RSPH6A: variants seen among roughly 807,000 people sequenced by gnomAD.
RSPH6A encodes radial spoke head protein 6 homolog A.
RSPH6A carries 49 observed loss-of-function variants against 66.1 expected under a neutral mutation model. The observed-to-expected ratio is 0.74, with a 90% CI of 0.59 to 0.94. The LOEUF is 0.94. Ranked by LOEUF, RSPH6A falls within the 40% of genes least tolerant of loss-of-function variation. The probability of loss-of-function intolerance (pLI) is 0.00; values close to 1 mark genes in which losing one functional copy is unlikely to be tolerated. For missense variants in RSPH6A, 977 were observed against 948.3 expected (o/e 1.03, Z -0.40); for synonymous variants, 419 against 402.4 (o/e 1.04, Z -0.49).
intron 1 of RSPH6A, among the ~76,000 whole-genome samples, chr19:45,811,655 C>T (rs1970629240): frequency 6.6e-6 from 1 of 151,682 alleles, no homozygotes; most frequent in Non-Finnish European, 1.5e-5. Flanking sequence ...AGGCTGGTCT[C>T]AAACTCCTGA....
At chr19:45,805,691 C>CA (rs777190769) in intron 2 of RSPH6A, among the ~76,000 whole-genome samples, 3 of 89,702 alleles carry the variant, frequency 3.3e-5, no homozygotes, top group Non-Finnish European at 6.5e-5. Context: ...GACTCCCACT[C>CA]AAAAAAAAAG....
At chr19:45,805,866 C>T (rs928492110) in intron 2 of RSPH6A, among the ~76,000 whole-genome samples, 2 of 152,088 alleles carry the variant, frequency 1.3e-5, no homozygotes, top group Non-Finnish European at 1.5e-5. Flanking sequence ...TTTGTCATTC[C>T]CTATTCTTCC....
chr19:45,806,775 C>G (rs1322191276), intron 2 of RSPH6A, among the ~76,000 whole-genome samples: 1 of 151,072 alleles, frequency 6.6e-6, no homozygotes, highest in African/African-American at 2.4e-5. Context: ...CTGCACGGGC[C>G]ACACACCAAT....
In RSPH6A at chr19:45,795,958, G is replaced by A; in HGVS notation, c.2065C>T (p.Leu689=). 1 of 1,613,766 alleles carries A rather than the reference G, an allele frequency of 6.2e-7. No homozygotes were observed. The highest frequency in any genetic ancestry group is 2.2e-5 in the East Asian group (1 of 44,838). The change falls in exon 6 of 6, where the codon CTG becomes TTG. Residue 689 remains leucine (L), a synonymous_variant. Transcript: ENST00000221538. ...SDPTVEEEQA[L]KAAQEQALGA... is the part of the protein sequence containing the mutation. ...AGGGCTTGTTCCTGGGCTGCTTTCA[G>A]AGCCTGCTCCTCTTCCACTGTGGGG...
chr19:45,810,514 C>T (rs1970609874), intron 2 of RSPH6A, 89 bp downstream of exon 2: 10 of 1,230,204 alleles, frequency 8.1e-6, no homozygotes, highest in South Asian at 6.5e-5. Context: ...TGCTGTCTTT[C>T]GCCTCCAGGC....
intron 1 of RSPH6A, among the ~76,000 whole-genome samples, chr19:45,812,787 C>G (rs1041207628): frequency 6.6e-6 from 1 of 151,842 alleles, no homozygotes; most frequent in Admixed American, 6.6e-5. Flanking sequence ...CCTCTGCCTC[C>G]CGGTTCAAGT....
rs147742600 is a variant in RSPH6A at position 45,810,650 on chromosome 19, G to A, written c.841C>T (p.Arg281Trp). Residue 281 changes from arginine (R) to tryptophan (W), a missense_variant, in exon 2 of 6, where the codon CGG becomes TGG. By Grantham distance (101) the Arg-to-Trp change is moderately radical. Coordinates refer to ENST00000221538, the MANE Select transcript of RSPH6A (RefSeq NM_030785.4). ...TCGCCTTCAGTGCCGCCTCCACTCC[G>A]GGTGAACAGCGCCTTCTGTTTCTCC... Reference protein sequence around the residue: ...MAEKQKALFTRSGGGTEGEQE... With the variant: ...MAEKQKALFTWSGGGTEGEQE... 56 of 1,613,852 alleles carry A rather than the reference G, an allele frequency of 3.5e-5. No homozygotes were observed. The Admixed American group carries it at 6.0e-4, about 17-fold the overall frequency.
intron 1 of RSPH6A, 56 bp downstream of exon 1, chr19:45,814,471 G>C: frequency 1.4e-6 from 2 of 1,440,916 alleles, no homozygotes; most frequent in Non-Finnish European, 1.8e-6. Flanking sequence ...GGCACTTCGG[G>C]TGGGGCCCCT....
intron 1 of RSPH6A, 36 bp downstream of exon 1, chr19:45,814,491 G>A: frequency 3.5e-6 from 5 of 1,444,090 alleles, no homozygotes; most frequent in East Asian, 2.5e-5. Context: ...TCCCTGCCTG[G>A]GTCCCCCACC....
At position 45,796,125 on chromosome 19, in the gene RSPH6A, A is replaced by G. The variant is rs1429091448; in HGVS notation, c.1917-19T>C. The G allele has an allele frequency of 2.0e-6, 3 of 1,490,312 alleles. No individual in the cohort carries two copies. Among genetic ancestry groups the G allele is most frequent in the African/African-American group, 2.9e-5 (2 of 70,144 alleles). 92.3% of individuals were successfully genotyped at this position (1,490,312 alleles called of 1,614,324 possible). A position where few individuals can be genotyped will look rare whatever the true frequency, so the allele number is the denominator to read the frequency against. On this transcript the variant is annotated intron_variant, in intron 5 of 5. Transcript: ENST00000221538. ...AAACTTTCTGGAGAAGCAGTGAGACACTGTGAAATTCTCCCTCAAAGGCCC... is the reference window on the plus strand; with the variant it reads ...AAACTTTCTGGAGAAGCAGTGAGACGCTGTGAAATTCTCCCTCAAAGGCCC...
intron 1 of RSPH6A, among the ~76,000 whole-genome samples, chr19:45,811,284 G>A (rs1361944300): frequency 2.6e-5 from 4 of 151,524 alleles, no homozygotes; most frequent in African/African-American, 7.3e-5. Context: ...GAGCCACCGC[G>A]CCTTGCCGAC....
intron 2 of RSPH6A, among the ~76,000 whole-genome samples, chr19:45,809,473 T>A (rs540369463): frequency 6.6e-6 from 1 of 150,852 alleles, no homozygotes; most frequent in Admixed American, 6.6e-5. Flanking sequence ...CCCGGCTAAT[T>A]TTTTGTATTC....
At position 45,804,336 on chromosome 19, in the gene RSPH6A, G is replaced by T. The variant is rs771377533; in HGVS notation, c.1569C>A (p.Asn523Lys). ...GCACGGGGATGCCCTCGAAGTCCGG[G>T]TTCTCCTCGTAGGAGTCGCGCCCAG... is the stretch of plus-strand genomic sequence containing the variant. Reference protein sequence around the residue: ...GGAGRDSYEENPDFEGIPVLE... With the variant: ...GGAGRDSYEEKPDFEGIPVLE... Residue 523 changes from asparagine (N) to lysine (K), a missense_variant, in exon 3 of 6, where the codon AAC (asparagine) becomes AAA (lysine). Transcript: ENST00000221538. The surrounding 1 kb of genome is among the most constrained non-coding windows in gnomAD (Gnocchi z 5.8). 6.2e-7 allele frequency: 1 copy of T among 1,614,080 alleles called. No individual in the cohort carries two copies. The highest frequency in any genetic ancestry group is 8.5e-7 in the Non-Finnish European group (1 of 1,180,044).
intron 1 of RSPH6A, among the ~76,000 whole-genome samples, chr19:45,811,224 C>T (rs10408918): frequency 0.86 from 129,787 of 151,560 alleles, 55,648 homozygotes; most frequent in East Asian, 0.9. Context: ...GAACTCCTGA[C>T]CTCGTGATCT....
intron 5 of RSPH6A, among the ~76,000 whole-genome samples, chr19:45,798,875 A>G (rs1474002679): frequency 6.6e-6 from 1 of 151,572 alleles, no homozygotes; most frequent in Non-Finnish European, 1.5e-5. Context: ...AAACAAAAAC[A>G]ATGGAACAAT....
At position 45,810,759 on chromosome 19, in the gene RSPH6A, G is replaced by A. The variant is rs924612072; in HGVS notation, c.732C>T (p.Asn244=). ...EDPLSVLESL[N]RTTQWEWFHP... ...GGAACCACTCCCACTGCGTGGTGCG[G>A]TTCAGAGACTCCAGGACAGACAAGG... The change falls in exon 2 of 6, where the codon AAC becomes AAT. Residue 244 remains asparagine (N), a synonymous_variant. Transcript: ENST00000221538. 7 of 1,614,160 alleles carry A rather than the reference G, an allele frequency of 4.3e-6. No individual in the cohort carries two copies. The highest frequency in any genetic ancestry group is 1.7e-5 in the Admixed American group (1 of 60,014).
At position 45,806,758 on chromosome 19, in the gene RSPH6A, T is replaced by A. The variant is rs192879423; in HGVS notation, c.889-1742A>T. On this transcript the variant is annotated intron_variant, in intron 2 of 5. Coordinates refer to ENST00000221538, the MANE Select transcript of RSPH6A (RefSeq NM_030785.4). ...GAAGCCAGAGAAAGAAGAAGTGTAA[T>A]GTACATCTGCACGGGCCACACACCA... Among the ~76,000 whole-genome samples, 407 of 144,620 alleles carry A rather than the reference T, an allele frequency of 2.8e-3. 1 individual carries two copies. The highest frequency in any genetic ancestry group is 9.7e-3 in the African/African-American group (378 of 38,978). 94.9% of individuals were successfully genotyped at this position (144,620 alleles called of 152,430 possible). A position where few individuals can be genotyped will look rare whatever the true frequency, so the allele number is the denominator to read the frequency against.
rs763283777 is a variant in RSPH6A, at chr19:45,802,211, C to T, written c.1707G>A (p.Leu569=). Residue 569 remains leucine (L), a synonymous_variant, in exon 4 of 6, where the codon CTG becomes CTA. Coordinates refer to ENST00000221538, the MANE Select transcript of RSPH6A (RefSeq NM_030785.4). ...CATCTGCCTTCTCTTCCTCCTCCCC[C>T]AGGTCCTCCTCCTCCTCTGTCTTCT... ...PLQKTEEEED[L]GEEEEKADEG... is the part of the protein sequence containing the mutation. 4 of 1,551,216 alleles carry T rather than the reference C, an allele frequency of 2.6e-6. No homozygotes were observed. The South Asian group carries it at 3.6e-5, about 14-fold the overall frequency.
At chr19:45,803,719 G>A (rs1406334477) in intron 3 of RSPH6A, among the ~76,000 whole-genome samples, 1 of 149,842 alleles carries the variant, frequency 6.7e-6, no homozygotes, top group African/African-American at 2.5e-5. Context: ...CAGCCAGGGC[G>A]CAGTGGCTCA....
Sources: gnomAD v4.1 joint callset for allele counts (sites outside exome capture counted in the v4.1 genomes callset) on GRCh38, gnomAD v4.1.1 for gene constraint, Gnocchi (gnomAD v3.1) non-coding constraint, MANE v1.5 for transcripts, NCBI Gene and HGNC (gene_info 2026-07-23, HGNC 2026-07-21) for gene names.